Variants in CUEDC1 observed in about 807,000 individuals in gnomAD.
The protein encoded by CUEDC1 is CUE domain-containing protein 1.
In CUEDC1, 30 loss-of-function variants were observed where a neutral mutation model predicts 43.7. That is an observed-to-expected ratio of 0.69 (90% CI 0.51 to 0.93). The LOEUF (loss-of-function observed/expected upper bound fraction) is 0.93, where lower values mean the gene tolerates loss of function less well. Ranked by LOEUF, CUEDC1 falls within the 40% of genes least tolerant of loss-of-function variation. CUEDC1 has a pLI of 0.00. For synonymous variants in CUEDC1, 223 were observed against 223.6 expected (o/e 1.00, Z 0.02); for missense variants, 486 against 549.0 (o/e 0.89, Z 1.15).
chr17:57,869,062 A>G, intron 7 of CUEDC1, 60 bp downstream of exon 7: 1 of 1,565,320 alleles, frequency 6.4e-7, no homozygotes, highest in Non-Finnish European at 8.8e-7. Context: ...CACTCCTGGG[A>G]GGCCACAGGG....
At chr17:57,934,718 G>GT (rs1567723087) in intron 1 of CUEDC1, among the ~76,000 whole-genome samples, 1 of 152,000 alleles carries the variant, frequency 6.6e-6, no homozygotes, top group African/African-American at 2.4e-5. Flanking sequence ...CTTCCCGATT[G>GT]TTTTTTTGAG....
intron 1 of CUEDC1, among the ~76,000 whole-genome samples, chr17:57,908,968 G>A (rs2074556899): frequency 6.6e-6 from 1 of 152,082 alleles, no homozygotes; most frequent in Non-Finnish European, 1.5e-5. Context: ...CTGCACTCCA[G>A]CCTGGGTGAC....
rs565916561 is a variant in CUEDC1, at chr17:57,863,686, G to A, written c.*4-401C>T. ...AGAACTTGGTAGGACTCAGACACCA[G>A]GCTGAAGAGTTCCTAAGACTTTACT... On this transcript the variant is annotated intron_variant, in intron 10 of 10. Transcript: ENST00000577830. Among the ~76,000 whole-genome samples, 3 of 152,282 alleles carry A rather than the reference G, an allele frequency of 2.0e-5. No homozygotes were observed. The East Asian group carries it at 5.8e-4, about 29-fold the overall frequency.
At chr17:57,864,933 T>C (rs777066625) in intron 10 of CUEDC1, among the ~76,000 whole-genome samples, 21 of 152,170 alleles carry the variant, frequency 1.4e-4, no homozygotes, top group Non-Finnish European at 2.5e-4. Flanking sequence ...AGTGGGTGCC[T>C]ATAATCCCAG....
intron 3 of CUEDC1, among the ~76,000 whole-genome samples, chr17:57,875,076 C>T (rs1179449425): frequency 6.6e-6 from 1 of 152,132 alleles, no homozygotes; most frequent in Admixed American, 6.5e-5. Flanking sequence ...TTTTTTTCTA[C>T]ATCACTGCCA....
intron 1 of CUEDC1, among the ~76,000 whole-genome samples, chr17:57,919,407 T>C (rs988216613): frequency 6.6e-6 from 1 of 152,156 alleles, no homozygotes; most frequent in Non-Finnish European, 1.5e-5. Flanking sequence ...CTTGAACTCC[T>C]GACTTCAAGT....
chr17:57,915,820 C>G lies in CUEDC1; in HGVS notation c.-315-29941G>C, dbSNP rs572571496. ...GCCTGGGAAGGCGGAACAAGCTGGGCGGGGAGGAGGGGGCCTCAGGGGGCT... is the reference window on the plus strand; with the variant it reads ...GCCTGGGAAGGCGGAACAAGCTGGGGGGGGAGGAGGGGGCCTCAGGGGGCT... On this transcript the variant is annotated intron_variant, in intron 1 of 10. Transcript: ENST00000577830. Among the ~76,000 whole-genome samples the G allele has an allele frequency of 7.2e-4, 109 of 152,190 alleles. 1 individual carries two copies. The highest frequency in any genetic ancestry group is 2.6e-3 in the African/African-American group (107 of 41,532).
chr17:57,874,278 G>A (rs1013578070), intron 3 of CUEDC1, among the ~76,000 whole-genome samples: 1 of 152,212 alleles, frequency 6.6e-6, no homozygotes. Context: ...TCTTAGGTGG[G>A]CCCCTGTTCC....
intron 1 of CUEDC1, among the ~76,000 whole-genome samples, chr17:57,910,879 TA>T (rs1443334913): frequency 6.6e-6 from 1 of 152,120 alleles, no homozygotes; most frequent in Non-Finnish European, 1.5e-5. Context: ...GCCTTCACAG[TA>T]CCCCCTGGCT....
At chr17:57,948,918 T>C (rs555971265) in intron 1 of CUEDC1, among the ~76,000 whole-genome samples, 27 of 152,300 alleles carry the variant, frequency 1.8e-4, no homozygotes, top group African/African-American at 6.3e-4. Flanking sequence ...ACTGCAGGCA[T>C]TACAAGAGGT....
chr17:57,942,414 A>C (rs2074924976), intron 1 of CUEDC1, among the ~76,000 whole-genome samples: 1 of 151,904 alleles, frequency 6.6e-6, no homozygotes, highest in Non-Finnish European at 1.5e-5. Flanking sequence ...TTTGAGACAG[A>C]GTCTCGCTCT....
intron 1 of CUEDC1, among the ~76,000 whole-genome samples, chr17:57,935,406 A>ACAC (rs2074851488): frequency 2.6e-5 from 2 of 77,116 alleles, no homozygotes; most frequent in Non-Finnish European, 6.7e-5. Flanking sequence ...CACACACACA[A>ACAC]ACACACACAC....
intron 1 of CUEDC1, among the ~76,000 whole-genome samples, chr17:57,943,416 C>A (rs1231949943): frequency 6.6e-6 from 1 of 152,160 alleles, no homozygotes; most frequent in Non-Finnish European, 1.5e-5. Flanking sequence ...GGAAGTCACC[C>A]GAGTTCCCAT....
At position 57,930,853 on chromosome 17, in the gene CUEDC1, C is replaced by A. The variant is rs2074796975; in HGVS notation, c.-316+24372G>T. 6.6e-6 allele frequency among the ~76,000 whole-genome samples: 1 copy of A among 152,142 alleles called. No individual in the cohort carries two copies. Among genetic ancestry groups the A allele is most frequent in the Admixed American group, 6.5e-5 (1 of 15,274 alleles). On this transcript the variant is annotated intron_variant, in intron 1 of 10. Coordinates refer to ENST00000577830, the MANE Select transcript of CUEDC1 (RefSeq NM_001271875.2). The surrounding 1 kb of genome is among the most constrained non-coding windows in gnomAD (Gnocchi z 4.2). ...AGTCCAACTCCAAAGGGGAAATGGT[C>A]CCCATTTCCTGCAGGTAACCTTCTC...
rs113397933 is a variant in CUEDC1, at chr17:57,931,829, C to T, written c.-316+23396G>A. On this transcript the variant is annotated intron_variant, in intron 1 of 10. Coordinates refer to ENST00000577830, the MANE Select transcript of CUEDC1 (RefSeq NM_001271875.2). ...CCTCCTCTGGATTGCAGAGGACTCC[C>T]GTGAAACCACGAGCCTCTTTCTCCT... is the stretch of plus-strand genomic sequence containing the variant. Among the ~76,000 whole-genome samples the T allele has an allele frequency of 1.1e-3, 174 of 152,226 alleles. 1 individual carries two copies. The highest frequency in any genetic ancestry group is 4.1e-3 in the African/African-American group (171 of 41,528).
chr17:57,871,468 C>A, intron 5 of CUEDC1, 99 bp from the exon 6 acceptor site: 1 of 908,944 alleles, frequency 1.1e-6, no homozygotes, highest in South Asian at 1.4e-5. Context: ...GCTAAGTCCC[C>A]AGAATCACAC....
intron 1 of CUEDC1, among the ~76,000 whole-genome samples, chr17:57,898,343 G>A (rs375824670): frequency 3.9e-5 from 6 of 152,308 alleles, no homozygotes; most frequent in South Asian, 2.1e-4. Context: ...GGAAGCTGCC[G>A]GTGGAGGGGA....
chr17:57,881,296 T>C (rs2074201054), intron 2 of CUEDC1, among the ~76,000 whole-genome samples: 1 of 152,248 alleles, frequency 6.6e-6, no homozygotes, highest in Non-Finnish European at 1.5e-5. Context: ...GTTCTTTCCT[T>C]TGAGGCCAAA....
intron 1 of CUEDC1, among the ~76,000 whole-genome samples, chr17:57,939,257 A>G (rs921288527): frequency 1.4e-5 from 2 of 147,760 alleles, no homozygotes; most frequent in Middle Eastern, 3.9e-3. Context: ...ATGAGCCACC[A>G]TGCCCGGTCT....
Sources: allele counts gnomAD v4.1 joint callset (sites outside exome capture counted in the v4.1 genomes callset), GRCh38; gene constraint gnomAD v4.1.1; non-coding constraint Gnocchi (gnomAD v3.1); transcripts MANE v1.5; gene names NCBI Gene and HGNC (gene_info 2026-07-23, HGNC 2026-07-21).